Variants in ADK observed in about 807,000 individuals in gnomAD.
ADK encodes the protein adenosine kinase, also known as N6,N6-dimethyladenosine kinase.
ADK carries 24 observed loss-of-function variants against 44.7 expected under a neutral mutation model. That is an observed-to-expected ratio of 0.54 (90% CI 0.39 to 0.76). ADK has a LOEUF of 0.76. Ranked by LOEUF, ADK falls within the 30% of genes least tolerant of loss-of-function variation. The pLI, the probability that ADK is intolerant of heterozygous loss-of-function variation, is 0.00. For missense variants in ADK, 321 were observed against 425.1 expected (o/e 0.76, Z 2.15); for synonymous variants, 128 against 142.6 (o/e 0.90, Z 0.73).
chr10:74,208,182 G>A (rs762238051), intron 2 of ADK, among the ~76,000 whole-genome samples: 1 of 152,346 alleles, frequency 6.6e-6, no homozygotes, highest in Non-Finnish European at 1.5e-5. Context: ...GGGACTTCCC[G>A]GGCCCCAGAG....
rs1480624866 is a variant in ADK at position 74,695,619 on chromosome 10, G to GGGTGT, written c.965-12701_965-12700insGTGTG. 9.2e-3 allele frequency among the ~76,000 whole-genome samples: 830 copies of GGGTGT among 90,106 alleles called. 17 individuals are homozygous for GGGTGT. The highest frequency in any genetic ancestry group is 0.044 in the East Asian group (192 of 4,362). 59.1% of individuals were successfully genotyped at this position (90,106 alleles called of 152,430 possible). On this transcript the variant is annotated intron_variant, in intron 10 of 10. Transcript: ENST00000539909. ...TTTTACAATTCCTGTGTATGTGTGG[G>GGGTGT]GTGTGTGTGTGTGTGTGTGTGTGTG...
At chr10:74,667,432 ATG>A (rs200546038) in intron 9 of ADK, among the ~76,000 whole-genome samples, 497 of 151,208 alleles carry the variant, frequency 3.3e-3, no homozygotes, top group Non-Finnish European at 5.1e-3. Flanking sequence ...TATCTCAATG[ATG>A]TGTGTGTGTG....
At chr10:74,561,001 A>C (rs1422287278) in intron 7 of ADK, among the ~76,000 whole-genome samples, 1 of 152,208 alleles carries the variant, frequency 6.6e-6, no homozygotes, top group Non-Finnish European at 1.5e-5. Context: ...CAATATGTAA[A>C]GACCCCCCTC....
At chr10:74,557,459 AG>A (rs573453775) in intron 7 of ADK, among the ~76,000 whole-genome samples, 41 of 152,246 alleles carry the variant, frequency 2.7e-4, no homozygotes, top group African/African-American at 9.6e-4. Context: ...TCTTTTTTCT[AG>A]GTCATTGTTT....
intron 6 of ADK, among the ~76,000 whole-genome samples, chr10:74,482,954 T>TG (rs1350678794): frequency 2.0e-5 from 3 of 152,200 alleles, no homozygotes; most frequent in African/African-American, 7.2e-5. Context: ...AGGTGCATGA[T>TG]GCAAGCTGTC....
intron 3 of ADK, among the ~76,000 whole-genome samples, chr10:74,309,361 C>A (rs1840360840): frequency 6.6e-6 from 1 of 152,028 alleles, no homozygotes; most frequent in African/African-American, 2.4e-5. Flanking sequence ...CTTAATATAT[C>A]CTTGATTACT....
At chr10:74,211,162 G>C (rs1415493451) in intron 2 of ADK, among the ~76,000 whole-genome samples, 2 of 152,202 alleles carry the variant, frequency 1.3e-5, no homozygotes, top group Non-Finnish European at 1.5e-5. Context: ...TGGGATTACA[G>C]GTGTGAGCTA....
chr10:74,595,407 G>GAGTCCCA (rs371039424), intron 8 of ADK, among the ~76,000 whole-genome samples: 1 of 107,758 alleles, frequency 9.3e-6, no homozygotes. Context: ...AGGGGGTTTG[G>GAGTCCCA]CTTTGTCACG....
At position 74,348,168 on chromosome 10, in the gene ADK, A is replaced by G. The variant is rs573313055; in HGVS notation, c.273+33423A>G. Among the ~76,000 whole-genome samples the G allele has an allele frequency of 2.8e-4, 42 of 152,248 alleles. 1 individual carries two copies. The East Asian group carries it at 4.8e-3, about 18-fold the overall frequency. On this transcript the variant is annotated intron_variant, in intron 4 of 10. Coordinates refer to ENST00000539909, the MANE Select transcript of ADK (RefSeq NM_006721.4). ...GAACTGCCAACAGGGGCCAACAGAC[A>G]CCTCAAACAGGAGAGCTCTGGCTGG...
At chr10:74,405,424 T>C (rs1461602968) in intron 6 of ADK, among the ~76,000 whole-genome samples, 2 of 151,810 alleles carry the variant, frequency 1.3e-5, no homozygotes, top group Non-Finnish European at 2.9e-5. Context: ...GATTAATGTA[T>C]AGCTATACAC....
chr10:74,523,673 A>G (rs544920739), intron 6 of ADK, among the ~76,000 whole-genome samples: 20 of 151,958 alleles, frequency 1.3e-4, no homozygotes, highest in Admixed American at 1.3e-3. Flanking sequence ...ACAACTAAAC[A>G]CTCTTTACCA....
intron 10 of ADK, among the ~76,000 whole-genome samples, chr10:74,689,722 A>G (rs1433500810): frequency 6.6e-6 from 1 of 152,248 alleles, no homozygotes; most frequent in Non-Finnish European, 1.5e-5. Context: ...TCTCTAGTGA[A>G]GAGCACTGAG....
intron 4 of ADK, among the ~76,000 whole-genome samples, chr10:74,336,740 G>A (rs1841421562): frequency 6.6e-6 from 1 of 152,068 alleles, no homozygotes; most frequent in Non-Finnish European, 1.5e-5. Context: ...CCCTTAAATG[G>A]CATAATATTT....
At chr10:74,649,707 A>G (rs74146388) in intron 9 of ADK, among the ~76,000 whole-genome samples, 7,494 of 152,192 alleles carry the variant, frequency 0.049, 267 homozygotes, top group African/African-American at 0.092. Flanking sequence ...AGTTTCAACA[A>G]TTGTCTCCAT....
chr10:74,362,403 T>C (rs2131946472), intron 4 of ADK, among the ~76,000 whole-genome samples: 1 of 152,254 alleles, frequency 6.6e-6, no homozygotes, highest in African/African-American at 2.4e-5. Context: ...TTCTGGTTTT[T>C]TAAAAAAGTT....
chr10:74,620,569 T>C (rs1471546318), intron 9 of ADK, among the ~76,000 whole-genome samples: 3 of 152,224 alleles, frequency 2.0e-5, no homozygotes, highest in African/African-American at 7.2e-5. Context: ...AATAATGCTG[T>C]AGTAAACATG....
At chr10:74,706,953 G>A (rs1269249893) in intron 10 of ADK, among the ~76,000 whole-genome samples, 1 of 152,108 alleles carries the variant, frequency 6.6e-6, no homozygotes, top group African/African-American at 2.4e-5. Flanking sequence ...CACAACTTCT[G>A]TCAGATTTAT....
chr10:74,595,767 T>C (rs71492151), intron 8 of ADK, among the ~76,000 whole-genome samples: 117,971 of 118,092 alleles, frequency 1, 58,925 homozygotes, highest in Middle Eastern at 1. Flanking sequence ...GAGGCCAAGG[T>C]GGGTGGATCA....
At chr10:74,393,660 G>C (rs941129703) in intron 4 of ADK, among the ~76,000 whole-genome samples, 2 of 152,200 alleles carry the variant, frequency 1.3e-5, no homozygotes, top group Admixed American at 1.3e-4. Context: ...GACCTTATGA[G>C]ATGTATTTGT....
Sources: gnomAD v4.1 joint callset for allele counts (sites outside exome capture counted in the v4.1 genomes callset) on GRCh38, gnomAD v4.1.1 for gene constraint, MANE v1.5 for transcripts, NCBI Gene and HGNC (gene_info 2026-07-23, HGNC 2026-07-21) for gene names.